Variants in GRHL2 observed in about 807,000 individuals in gnomAD.
The protein encoded by GRHL2 is grainyhead like transcription factor 2.
In GRHL2, 21 loss-of-function variants were observed where a neutral mutation model predicts 83.8. The observed-to-expected ratio is 0.25, with a 90% CI of 0.18 to 0.36. The LOEUF (loss-of-function observed/expected upper bound fraction) is 0.36, where lower values mean the gene tolerates loss of function less well. GRHL2 is among the 10% of genes least tolerant of loss of function. GRHL2 has a pLI of 1.00. For missense variants in GRHL2, 623 were observed against 781.8 expected (o/e 0.80, Z 2.42); for synonymous variants, 280 against 278.9 (o/e 1.00, Z -0.04).
chr8:101,618,499 T>C (rs1812899298), intron 8 of GRHL2, among the ~76,000 whole-genome samples: 1 of 152,204 alleles, frequency 6.6e-6, no homozygotes, highest in Non-Finnish European at 1.5e-5. Context: ...CCTGGAAGTA[T>C]ATTTGTATCT....
intron 9 of GRHL2, among the ~76,000 whole-genome samples, chr8:101,623,573 G>A (rs984787257): frequency 6.6e-6 from 1 of 150,396 alleles, no homozygotes; most frequent in Non-Finnish European, 1.5e-5. Flanking sequence ...ACAGTACACA[G>A]TAGAACAGTT....
At chr8:101,676,447 A>G in the GRHL2 span, among the ~76,000 whole-genome samples, 1 of 152,162 alleles carries the variant, frequency 6.6e-6, no homozygotes, top group African/African-American at 2.4e-5. Context: ...GCAGCCAAAA[A>G]ACACATGAAA....
Position 101,649,443 on chromosome 8 carries a change from G to A in GRHL2, c.1642G>A (p.Asp548Asn), listed in dbSNP as rs767447359. 3 of 1,613,892 alleles carry A rather than the reference G, an allele frequency of 1.9e-6. No homozygotes were observed. The highest frequency in any genetic ancestry group is 1.3e-5 in the African/African-American group (1 of 74,892). Residue 548 changes from aspartate (D) to asparagine (N), a missense_variant, in exon 14 of 16, where the codon GAT becomes AAT. Asp to Asn is a conservative substitution (Grantham distance 23). This residue lies in a region of GRHL2 where 210 missense variants were observed against 254.8 expected (regional missense o/e 0.82). Transcript: ENST00000646743. The part of the protein sequence containing the change: ...VLLYVRKETD[D>N]VFDALMLKSP... ...CTTGTACGTGAGGAAGGAGACTGAC[G>A]ATGTGTTCGATGCATTGATGTTGAA...
At chr8:101,652,441 G>A (rs1563627103) in intron 14 of GRHL2, among the ~76,000 whole-genome samples, 8 of 91,892 alleles carry the variant, frequency 8.7e-5, no homozygotes, top group South Asian at 3.9e-4. Context: ...TGTGTCTGGT[G>A]TGTGTGGTGT....
At chr8:101,586,951 A>G (rs1812182930) in intron 7 of GRHL2, among the ~76,000 whole-genome samples, 1 of 152,194 alleles carries the variant, frequency 6.6e-6, no homozygotes, top group Non-Finnish European at 1.5e-5. Flanking sequence ...AAACATTTTG[A>G]TATAACTTAA....
At position 101,543,352 on chromosome 8, in the gene GRHL2, G is replaced by A. The variant is rs1811195077; in HGVS notation, c.132G>A (p.Leu44=). The A allele has an allele frequency of 6.2e-7, 1 of 1,614,140 alleles. No individual in the cohort carries two copies. Among genetic ancestry groups the A allele is most frequent in the Non-Finnish European group, 8.5e-7 (1 of 1,179,992 alleles). ...GGAAGTCATACTTGGAGAATCCCCT[G>A]ACAGCAGCCACCAAGGCCATGATGA... ...EAWKSYLENP[L]TAATKAMMSI... Residue 44 remains leucine (L), a synonymous_variant, in exon 2 of 16, where the codon CTG becomes CTA. Coordinates refer to ENST00000646743, the MANE Select transcript of GRHL2 (RefSeq NM_024915.4).
At chr8:101,578,485 A>G (rs1811979440) in intron 7 of GRHL2, among the ~76,000 whole-genome samples, 1 of 152,208 alleles carries the variant, frequency 6.6e-6, no homozygotes, top group South Asian at 2.1e-4. Context: ...TGCAGAATCA[A>G]CCTCTGAGAT....
At chr8:101,508,858 G>A (rs928410314) in intron 1 of GRHL2, among the ~76,000 whole-genome samples, 8 of 152,098 alleles carry the variant, frequency 5.3e-5, no homozygotes, top group African/African-American at 1.7e-4. Flanking sequence ...TTAGGTCAAG[G>A]TTTAAGATTG....
At chr8:101,496,987 A>T (rs887340187) in intron 1 of GRHL2, among the ~76,000 whole-genome samples, 1 of 152,206 alleles carries the variant, frequency 6.6e-6, no homozygotes, top group African/African-American at 2.4e-5. Context: ...CACTCAAAAC[A>T]GTCAAAATTA....
chr8:101,559,735 T>G (rs957554516), intron 4 of GRHL2, among the ~76,000 whole-genome samples: 1 of 152,200 alleles, frequency 6.6e-6, no homozygotes, highest in Non-Finnish European at 1.5e-5. Flanking sequence ...AAGTGCACAG[T>G]TGAGAATTTT....
intron 1 of GRHL2, among the ~76,000 whole-genome samples, chr8:101,521,935 C>T (rs369586494): frequency 3.4e-4 from 51 of 152,162 alleles, no homozygotes; most frequent in African/African-American, 1.2e-3. Flanking sequence ...AGCTCAGAGC[C>T]TGTAGTACAG....
At chr8:101,672,068 A>G (rs182918439), downstream of GRHL2, among the ~76,000 whole-genome samples, 8 of 151,824 alleles carry the variant, frequency 5.3e-5, no homozygotes, top group African/African-American at 1.9e-4. Flanking sequence ...CACCATCATC[A>G]AAGACCAAAA....
intron 1 of GRHL2, among the ~76,000 whole-genome samples, chr8:101,530,576 TA>T (rs1810903079): frequency 6.6e-6 from 1 of 152,234 alleles, no homozygotes; most frequent in Non-Finnish European, 1.5e-5. Context: ...GCAGGACATT[TA>T]AAAATAGATG....
intron 7 of GRHL2, among the ~76,000 whole-genome samples, chr8:101,586,077 T>C (rs1467451337): frequency 4.8e-5 from 6 of 124,798 alleles, no homozygotes; most frequent in Non-Finnish European, 8.2e-5. Context: ...TTTTTTTTTT[T>C]TTTTTTTTTT....
chr8:101,581,578 G>T (rs1213316962), intron 7 of GRHL2, among the ~76,000 whole-genome samples: 1 of 152,176 alleles, frequency 6.6e-6, no homozygotes, highest in Non-Finnish European at 1.5e-5. Flanking sequence ...CCCTTTAAAA[G>T]AAGACTTGGA....
At chr8:101,576,165 G>A (rs1563588459) in intron 6 of GRHL2, among the ~76,000 whole-genome samples, 1 of 152,308 alleles carries the variant, frequency 6.6e-6, no homozygotes, top group East Asian at 1.9e-4. Context: ...TGGTAAATAA[G>A]TAAATGACTA....
At chr8:101,612,176 G>A (rs1812763382) in intron 8 of GRHL2, among the ~76,000 whole-genome samples, 1 of 150,800 alleles carries the variant, frequency 6.6e-6, no homozygotes, top group African/African-American at 2.5e-5. Context: ...TTTTAATAGA[G>A]ATGTGGTTTC....
At position 101,669,458 on chromosome 8, in the gene GRHL2, A is replaced by C. The variant is rs1420188601; in HGVS notation, c.*2755A>C. On this transcript the variant is annotated 3_prime_UTR_variant, in exon 16 of 16. Transcript: ENST00000646743. ...ACTTAGGAAGCATGAAATAAATCAA[A>C]TGTTTATTTTCCTTCTTATTTAAAA... The C allele has an allele frequency of 6.6e-6, 1 of 152,412 alleles. No individual in the cohort carries two copies. The highest frequency in any genetic ancestry group is 2.4e-5 in the African/African-American group (1 of 41,402). 9.4% of individuals were successfully genotyped at this position (152,412 alleles called of 1,614,324 possible).
chr8:101,649,186 G>T (rs925154837), intron 13 of GRHL2, among the ~76,000 whole-genome samples: 7 of 152,168 alleles, frequency 4.6e-5, no homozygotes, highest in African/African-American at 1.2e-4. Context: ...CCTACGGCCG[G>T]GTTGTCGGTT....
Sources: gnomAD v4.1 joint callset for allele counts (sites outside exome capture counted in the v4.1 genomes callset) on GRCh38, gnomAD v4.1.1 for gene constraint, gnomAD v4.1.1 regional missense constraint, MANE v1.5 for transcripts, NCBI Gene and HGNC (gene_info 2026-07-23, HGNC 2026-07-21) for gene names.